Variants in SEMA6D observed in about 807,000 individuals in gnomAD.
SEMA6D encodes the protein semaphorin 6D.
Under a neutral mutation model 106.6 loss-of-function variants are expected in SEMA6D, and 35 were observed. That is an observed-to-expected ratio of 0.33 (90% CI 0.25 to 0.44). SEMA6D has a LOEUF of 0.44. Ranked by LOEUF, SEMA6D falls within the 20% of genes least tolerant of loss-of-function variation. The pLI is 1.00. For missense variants in SEMA6D, 1,185 were observed against 1,345.9 expected, an observed-to-expected ratio of 0.88 and a Z score of 1.87; for synonymous variants, 499 against 487.7, an observed-to-expected ratio of 1.02 and a Z score of -0.31.
intron 1 of SEMA6D, among the ~76,000 whole-genome samples, chr15:47,339,502 A>C (rs1035746054): frequency 1.3e-5 from 2 of 152,206 alleles, no homozygotes; most frequent in African/African-American, 4.8e-5. Flanking sequence ...TTGTGGTGTG[A>C]GAGCAGAGAA....
At chr15:47,321,264 C>T (rs184923987) in intron 1 of SEMA6D, among the ~76,000 whole-genome samples, 76 of 152,212 alleles carry the variant, frequency 5.0e-4, no homozygotes, top group Admixed American at 2.2e-3. Context: ...AAATCATGTG[C>T]GACAGAACTG....
chr15:47,294,764 C>T (rs1191366819), intron 1 of SEMA6D, among the ~76,000 whole-genome samples: 1 of 152,126 alleles, frequency 6.6e-6, no homozygotes, highest in Non-Finnish European at 1.5e-5. Context: ...TTTTCCCCTA[C>T]CTATAATTGA....
intron 4 of SEMA6D, among the ~76,000 whole-genome samples, chr15:47,652,661 C>T (rs2077714964): frequency 6.6e-6 from 1 of 152,176 alleles, no homozygotes; most frequent in African/African-American, 2.4e-5. Context: ...CTTGCCATTG[C>T]CCAGTGAGAC....
At chr15:47,297,028 C>T (rs1178528651) in intron 1 of SEMA6D, among the ~76,000 whole-genome samples, 2 of 152,130 alleles carry the variant, frequency 1.3e-5, no homozygotes, top group Non-Finnish European at 2.9e-5. Context: ...TTTCTTTCCA[C>T]TTGCAAAATG....
chr15:47,675,742 G>A (rs1232939672), intron 4 of SEMA6D, among the ~76,000 whole-genome samples: 1 of 152,162 alleles, frequency 6.6e-6, no homozygotes, highest in African/African-American at 2.4e-5. Context: ...ACTTCCTTCT[G>A]TCTTTCTGTT....
chr15:47,568,115 A>G (rs2046280201), intron 3 of SEMA6D, among the ~76,000 whole-genome samples: 1 of 151,166 alleles, frequency 6.6e-6, no homozygotes, highest in African/African-American at 2.4e-5. Context: ...GCTGGTGGAG[A>G]TGTAACTTGG....
chr15:47,364,431 A>AT (rs1258930332), intron 1 of SEMA6D, among the ~76,000 whole-genome samples: 1 of 152,166 alleles, frequency 6.6e-6, no homozygotes, highest in East Asian at 1.9e-4. Context: ...TCTAAAGGGA[A>AT]TTTTTAGTTC....
chr15:47,367,663 AACACGCACGCTCAC>A (rs1490411696), intron 1 of SEMA6D, among the ~76,000 whole-genome samples: 6 of 148,310 alleles, frequency 4.0e-5, no homozygotes, highest in African/African-American at 1.5e-4. Flanking sequence ...CCTTCCCCTA[AACACGCACGCTCAC>A]ACGCGCGCGC....
chr15:47,601,444 A>G (rs979355847), intron 4 of SEMA6D, among the ~76,000 whole-genome samples: 8 of 152,104 alleles, frequency 5.3e-5, no homozygotes, highest in Non-Finnish European at 8.8e-5. Flanking sequence ...CATAATAGGG[A>G]TCCTTTTTTA....
intron 1 of SEMA6D, among the ~76,000 whole-genome samples, chr15:47,350,181 G>A (rs1009532076): frequency 2.0e-5 from 3 of 152,132 alleles, no homozygotes; most frequent in Non-Finnish European, 2.9e-5. Flanking sequence ...TAATTTAACT[G>A]CTCTTAGATT....
intron 2 of SEMA6D, among the ~76,000 whole-genome samples, chr15:47,425,274 G>A (rs1235007999): frequency 1.3e-5 from 2 of 152,058 alleles, no homozygotes; most frequent in Non-Finnish European, 2.9e-5. Flanking sequence ...TTTCCTCAGC[G>A]AGATAGGGGA....
chr15:47,457,036 G>T (rs2042366693), intron 2 of SEMA6D, among the ~76,000 whole-genome samples: 1 of 151,974 alleles, frequency 6.6e-6, no homozygotes, highest in African/African-American at 2.4e-5. Flanking sequence ...CATAAGGCTG[G>T]TAAGAATTTT....
chr15:47,679,019 G>A (rs1296207282), intron 4 of SEMA6D, among the ~76,000 whole-genome samples: 1 of 152,120 alleles, frequency 6.6e-6, no homozygotes, highest in Non-Finnish European at 1.5e-5. Context: ...CTGAGAAGGT[G>A]ACATTTCATA....
intron 4 of SEMA6D, among the ~76,000 whole-genome samples, chr15:47,658,995 A>G (rs555138593): frequency 3.3e-4 from 51 of 152,270 alleles, no homozygotes; most frequent in Admixed American, 7.2e-4. Context: ...TTAATATTCT[A>G]TTGAGGACTA....
At chr15:47,509,912 C>T (rs1282798687) in intron 3 of SEMA6D, among the ~76,000 whole-genome samples, 1 of 152,210 alleles carries the variant, frequency 6.6e-6, no homozygotes, top group Non-Finnish European at 1.5e-5. Context: ...CATTTGACAA[C>T]CACTGCCTTA....
chr15:47,678,862 T>C (rs1203522002), intron 4 of SEMA6D, among the ~76,000 whole-genome samples: 1 of 152,186 alleles, frequency 6.6e-6, no homozygotes, highest in African/African-American at 2.4e-5. Context: ...GTGCAGTGTT[T>C]TGCTATTTTG....
intron 4 of SEMA6D, among the ~76,000 whole-genome samples, chr15:47,687,918 A>G (rs188862096): frequency 3.9e-5 from 6 of 152,274 alleles, no homozygotes; most frequent in Admixed American, 3.9e-4. Flanking sequence ...AGAGAAAATA[A>G]GGGCTAAAAT....
At chr15:47,400,081 G>A (rs2040348274) in intron 1 of SEMA6D, among the ~76,000 whole-genome samples, 2 of 152,160 alleles carry the variant, frequency 1.3e-5, no homozygotes, top group African/African-American at 4.8e-5. Flanking sequence ...GTTCAAGTTA[G>A]CCCTATGAAA....
intron 3 of SEMA6D, among the ~76,000 whole-genome samples, chr15:47,597,338 C>A (rs1039520088): frequency 3.3e-5 from 5 of 152,008 alleles, no homozygotes; most frequent in African/African-American, 1.2e-4. Flanking sequence ...AACAGAACGA[C>A]AGTATGGTCC....
Sources: gnomAD v4.1 joint callset for allele counts (sites outside exome capture counted in the v4.1 genomes callset) on GRCh38, gnomAD v4.1.1 for gene constraint, MANE v1.5 for transcripts, NCBI Gene and HGNC (gene_info 2026-07-23, HGNC 2026-07-21) for gene names.